The following NAV2 variants were observed in gnomAD, a reference collection of about 807,000 sequenced individuals.
The protein encoded by NAV2 is neuron navigator 2.
Under a neutral mutation model 223.2 loss-of-function variants are expected in NAV2, and 54 were observed. The observed-to-expected ratio is 0.24, with a 90% confidence interval of 0.19 to 0.30. The LOEUF (loss-of-function observed/expected upper bound fraction) is 0.30, where lower values mean the gene tolerates loss of function less well. NAV2 is among the 10% of genes least tolerant of loss of function. The pLI is 1.00. For synonymous variants in NAV2, 1,279 were observed against 1,239.3 expected (o/e 1.03, Z -0.67); for missense variants, 2,806 against 3,147.5 (o/e 0.89, Z 2.60).
chr11:19,592,272 C>T (rs2046082040), intron 1 of NAV2, among the ~76,000 whole-genome samples: 1 of 152,008 alleles, frequency 6.6e-6, no homozygotes, highest in Non-Finnish European at 1.5e-5. Context: ...TTAAGCACTC[C>T]CACCGCTTAA....
At chr11:19,421,764 C>CCTT (rs1554927825) in intron 1 of NAV2, among the ~76,000 whole-genome samples, 1 of 84,542 alleles carries the variant, frequency 1.2e-5, no homozygotes, top group Non-Finnish European at 2.0e-5. Flanking sequence ...AAGAGAGAGG[C>CCTT]TTTTTTTTTT....
chr11:20,091,385 GC>G (rs2060840052), intron 27 of NAV2, among the ~76,000 whole-genome samples: 1 of 152,092 alleles, frequency 6.6e-6, no homozygotes, highest in African/African-American at 2.4e-5. Flanking sequence ...GTCGCTGACT[GC>G]CCCCTTTGCA....
intron 10 of NAV2, among the ~76,000 whole-genome samples, chr11:19,972,032 C>G (rs1188274838): frequency 6.6e-6 from 1 of 152,106 alleles, no homozygotes; most frequent in African/African-American, 2.4e-5. Context: ...ATGTCATGCC[C>G]CATCCTGAAA....
chr11:19,826,981 A>G (rs937091474), intron 1 of NAV2, among the ~76,000 whole-genome samples: 3 of 152,146 alleles, frequency 2.0e-5, no homozygotes, highest in Non-Finnish European at 2.9e-5. Context: ...TGGTGCCAGC[A>G]TACACGTTCT....
chr11:19,394,598 C>T (rs1301903325), intron 1 of NAV2, among the ~76,000 whole-genome samples: 2 of 152,132 alleles, frequency 1.3e-5, no homozygotes, highest in East Asian at 3.9e-4. Flanking sequence ...AGACATGGCA[C>T]ATTCAAACAG....
chr11:19,669,934 T>TTTACACACATCAAC (rs2048531049), intron 1 of NAV2, among the ~76,000 whole-genome samples: 1 of 152,202 alleles, frequency 6.6e-6, no homozygotes, highest in Non-Finnish European at 1.5e-5. Context: ...AAAATGTGAA[T>TTTACACACATCAAC]ATAATCATAT....
At chr11:19,737,240 A>G (rs2052401677) in intron 1 of NAV2, among the ~76,000 whole-genome samples, 1 of 152,254 alleles carries the variant, frequency 6.6e-6, no homozygotes, top group Non-Finnish European at 1.5e-5. Context: ...AGAGACTTAG[A>G]GAATTTCAAA....
At chr11:19,869,910 G>C (rs2585789) in intron 4 of NAV2, among the ~76,000 whole-genome samples, 1 of 152,108 alleles carries the variant, frequency 6.6e-6, no homozygotes, top group African/African-American at 2.4e-5. Flanking sequence ...TCTGGGACCT[G>C]TTCCTTGCCT....
Position 19,919,556 on chromosome 11 carries a change from G to A in NAV2, c.932-13620G>A, listed in dbSNP as rs1488841164. Among the ~76,000 whole-genome samples, 3 of 152,128 alleles carry A rather than the reference G, an allele frequency of 2.0e-5. No homozygotes were observed. In the East Asian group the frequency reaches 5.8e-4, roughly 29 times the overall value. On this transcript the variant is annotated intron_variant, in intron 6 of 37. Coordinates refer to ENST00000349880, the MANE Select transcript of NAV2 (RefSeq NM_145117.5). The stretch of plus-strand genomic sequence containing the variant: ...AGAGGTCAGCTTGGGCAGGGCCGTG[G>A]GAGCCACGTATGAAACTATGGCACT...
At chr11:19,444,501 C>G (rs1349020913) in intron 1 of NAV2, among the ~76,000 whole-genome samples, 1 of 152,104 alleles carries the variant, frequency 6.6e-6, no homozygotes, top group Non-Finnish European at 1.5e-5. Context: ...TAACCATGTG[C>G]TGAAGATGGT....
chr11:19,793,206 CAAAAAAAAAAA>C (rs557365857), intron 1 of NAV2, among the ~76,000 whole-genome samples: 1 of 58,282 alleles, frequency 1.7e-5, no homozygotes. Flanking sequence ...CACTCTGTCT[CAAAAAAAAAAA>C]AAAAAAAAAA....
At chr11:20,099,730 G>C (rs1213076083) in intron 31 of NAV2, among the ~76,000 whole-genome samples, 1 of 152,198 alleles carries the variant, frequency 6.6e-6, no homozygotes. Flanking sequence ...ATTTCCTCAA[G>C]TGAGCTCTTG....
chr11:19,923,966 T>C (rs1007846751), intron 6 of NAV2, among the ~76,000 whole-genome samples: 19 of 152,336 alleles, frequency 1.2e-4, no homozygotes, highest in Admixed American at 7.2e-4. Context: ...GCATGTCTTA[T>C]ATTTTTAAAG....
At chr11:19,531,299 G>A (rs1208393883) in intron 1 of NAV2, among the ~76,000 whole-genome samples, 1 of 152,202 alleles carries the variant, frequency 6.6e-6, no homozygotes, top group Admixed American at 6.5e-5. Context: ...AGAGTAAGGA[G>A]GCAGGGAGTG....
At chr11:19,538,587 C>T (rs2044253380) in intron 1 of NAV2, among the ~76,000 whole-genome samples, 1 of 151,826 alleles carries the variant, frequency 6.6e-6, no homozygotes, top group South Asian at 2.1e-4. Context: ...TTCCTGGGCT[C>T]AAGCAATCCT....
In NAV2 at chr11:19,369,408, G is replaced by T. The variant is rs539124027; in HGVS notation, c.75+18381G>T. Among the ~76,000 whole-genome samples the T allele has an allele frequency of 4.6e-5, 7 of 152,184 alleles. 1 individual carries two copies. Among genetic ancestry groups the T allele is most frequent in the Admixed American group, 4.6e-4 (7 of 15,280 alleles). On this transcript the variant is annotated intron_variant, in intron 1 of 37. Coordinates refer to the NAV2 transcript ENST00000360655. ...ATGACCACAACTTCATTTCTGCCTG[G>T]TCTACTCTGTATTTGATAAACAAAA...
chr11:20,094,223 C>CTTTTTTTTT (rs61099684), intron 29 of NAV2, among the ~76,000 whole-genome samples: 8 of 88,510 alleles, frequency 9.0e-5, no homozygotes, highest in Non-Finnish European at 1.4e-4. Flanking sequence ...TTTTCTTTAT[C>CTTTTTTTTT]TTTTTTTTTT....
intron 22 of NAV2, among the ~76,000 whole-genome samples, chr11:20,072,027 A>G (rs1409083919): frequency 6.6e-6 from 1 of 152,134 alleles, no homozygotes; most frequent in African/African-American, 2.4e-5. Context: ...CTATGTCCTG[A>G]ATAGTATTGC....
chr11:20,059,744 A>G (rs945432669), intron 19 of NAV2, among the ~76,000 whole-genome samples: 1 of 152,212 alleles, frequency 6.6e-6, no homozygotes, highest in African/African-American at 2.4e-5. Context: ...TCAATGGCAG[A>G]AGTGGCCTAG....
Sources: allele counts gnomAD v4.1 joint callset (sites outside exome capture counted in the v4.1 genomes callset), GRCh38; gene constraint gnomAD v4.1.1; transcripts MANE v1.5; gene names NCBI Gene and HGNC (gene_info 2026-07-23, HGNC 2026-07-21).